The following VGLL4 variants were observed in gnomAD, a reference collection of about 807,000 sequenced individuals.
VGLL4 encodes the protein transcription cofactor vestigial-like protein 4.
In VGLL4, 7 loss-of-function variants were observed where a neutral mutation model predicts 21.0. That is an observed-to-expected ratio of 0.33 (90% CI 0.19 to 0.63). The LOEUF is 0.63. Among genes scored for constraint, VGLL4 ranks in the 20% least tolerant of loss-of-function variants. The probability of loss-of-function intolerance (pLI) is 0.78; values close to 1 mark genes in which losing one functional copy is unlikely to be tolerated. For synonymous variants in VGLL4, 222 were observed against 173.2 expected (o/e 1.28, Z -2.21); for missense variants, 394 against 425.7 (o/e 0.93, Z 0.66).
At chr3:11,650,463 A>G (rs774121260) in intron 2 of VGLL4, among the ~76,000 whole-genome samples, 13 of 152,214 alleles carry the variant, frequency 8.5e-5, no homozygotes, top group Non-Finnish European at 1.8e-4. Flanking sequence ...CCAAATGATC[A>G]AAATCACTCC....
In VGLL4 at chr3:11,719,595, G is replaced by C. The variant is rs989867620; in HGVS notation, c.-14+799C>G. On this transcript the variant is annotated intron_variant, in intron 1 of 5. Coordinates refer to the VGLL4 transcript ENST00000273038. This position sits in a 1 kb window ranked among gnomAD's most constrained non-coding sequence, Gnocchi z 4.0. ...AACACGCACACGCACACGCACGCGCGGACCGGGCCGGCGGACGGGAGCGCG... is the reference window on the plus strand; with the variant it reads ...AACACGCACACGCACACGCACGCGCCGACCGGGCCGGCGGACGGGAGCGCG... The C allele has an allele frequency of 1.3e-5, 2 of 151,992 alleles. No individual in the cohort carries two copies. The highest frequency in any genetic ancestry group is 4.8e-5 in the African/African-American group (2 of 41,394). 9.4% of individuals were successfully genotyped at this position (151,992 alleles called of 1,614,324 possible).
intron 1 of VGLL4, among the ~76,000 whole-genome samples, chr3:11,708,153 C>T (rs1304460610): frequency 1.3e-5 from 2 of 152,164 alleles, no homozygotes; most frequent in Non-Finnish European, 2.9e-5. Flanking sequence ...ATTAATATTA[C>T]CTCCCTCATA....
At chr3:11,672,698 G>A (rs770935073) in intron 2 of VGLL4, among the ~76,000 whole-genome samples, 3 of 152,240 alleles carry the variant, frequency 2.0e-5, no homozygotes, top group East Asian at 1.9e-4. Context: ...ACGGAGAACC[G>A]GTAACTTGCT....
At chr3:11,708,771 T>G (rs2076797068) in intron 1 of VGLL4, among the ~76,000 whole-genome samples, 1 of 151,874 alleles carries the variant, frequency 6.6e-6, no homozygotes, top group Non-Finnish European at 1.5e-5. Context: ...CCAAAAATAA[T>G]CCATTGAGGA....
At chr3:11,584,134 G>A (rs1191403515) in intron 2 of VGLL4, among the ~76,000 whole-genome samples, 1 of 152,166 alleles carries the variant, frequency 6.6e-6, no homozygotes, top group Non-Finnish European at 1.5e-5. Context: ...AAATAATGCT[G>A]AAAAGCAAAT....
chr3:11,600,619 CCT>C (rs1357380894), intron 2 of VGLL4, among the ~76,000 whole-genome samples: 1 of 152,128 alleles, frequency 6.6e-6, no homozygotes, highest in Non-Finnish European at 1.5e-5. Flanking sequence ...AGGATAAATA[CCT>C]CTGTCAGTGT....
intron 2 of VGLL4, among the ~76,000 whole-genome samples, chr3:11,586,047 T>TAAA (rs2125234799): frequency 6.6e-6 from 1 of 152,250 alleles, no homozygotes; most frequent in South Asian, 2.1e-4. Context: ...ACTCCTAGAT[T>TAAA]AAAGATTGCT....
At chr3:11,575,993 A>G (rs2074032782) in intron 2 of VGLL4, among the ~76,000 whole-genome samples, 1 of 152,224 alleles carries the variant, frequency 6.6e-6, no homozygotes, top group African/African-American at 2.4e-5. Context: ...GCTCAACTCT[A>G]TGTAAATAAG....
intron 1 of VGLL4, among the ~76,000 whole-genome samples, chr3:11,623,178 C>T (rs1375668132): frequency 2.0e-5 from 3 of 152,146 alleles, no homozygotes; most frequent in Admixed American, 2.0e-4. Flanking sequence ...AACAGGTCAT[C>T]CACTGGGATC....
intron 1 of VGLL4, among the ~76,000 whole-genome samples, chr3:11,708,686 T>C (rs2076796116): frequency 6.6e-6 from 1 of 152,234 alleles, no homozygotes; most frequent in African/African-American, 2.4e-5. Flanking sequence ...TTATGCTGCA[T>C]CTGAAAAACA....
chr3:11,666,067 A>G (rs9841734), intron 2 of VGLL4, among the ~76,000 whole-genome samples: 2,119 of 152,068 alleles, frequency 0.014, 56 homozygotes, highest in African/African-American at 0.049. Context: ...TGGCTAACAC[A>G]GTGAAACCCC....
intron 4 of VGLL4, among the ~76,000 whole-genome samples, chr3:11,559,121 C>T (rs936647867): frequency 6.6e-6 from 1 of 152,244 alleles, no homozygotes; most frequent in African/African-American, 2.4e-5. Context: ...GCATGAGACC[C>T]TGGAACTGAG....
chr3:11,698,706 C>T (rs182469154), intron 2 of VGLL4, among the ~76,000 whole-genome samples: 14 of 152,274 alleles, frequency 9.2e-5, no homozygotes, highest in Non-Finnish European at 1.0e-4. Flanking sequence ...GTAAATTTAT[C>T]CCTTCCAGGC....
chr3:11,600,983 G>A (rs1559891442), intron 2 of VGLL4, among the ~76,000 whole-genome samples: 1 of 152,168 alleles, frequency 6.6e-6, no homozygotes, highest in Non-Finnish European at 1.5e-5. Flanking sequence ...CACTGTACCC[G>A]TAGACTCTCT....
chr3:11,663,210 A>G (rs969110652), intron 2 of VGLL4, among the ~76,000 whole-genome samples: 2 of 152,214 alleles, frequency 1.3e-5, no homozygotes, highest in African/African-American at 4.8e-5. Flanking sequence ...CCAGACAGAA[A>G]TCAGACCTGA....
At chr3:11,633,969 A>T (rs181894359) in intron 1 of VGLL4, among the ~76,000 whole-genome samples, 65 of 152,258 alleles carry the variant, frequency 4.3e-4, no homozygotes, top group Non-Finnish European at 8.4e-4. Flanking sequence ...TTATTTTAGC[A>T]ATTAACAGGA....
chr3:11,663,671 T>A (rs922663298), intron 2 of VGLL4, among the ~76,000 whole-genome samples: 7 of 152,090 alleles, frequency 4.6e-5, no homozygotes, highest in Non-Finnish European at 1.0e-4. Context: ...TAAGCCGAGA[T>A]CATGCCACTG....
At chr3:11,569,958 G>T (rs1386259216) in intron 2 of VGLL4, among the ~76,000 whole-genome samples, 1 of 152,178 alleles carries the variant, frequency 6.6e-6, no homozygotes, top group Non-Finnish European at 1.5e-5. Context: ...ACTGAAGGGT[G>T]CCCTGAAACC....
At chr3:11,578,812 T>G (rs1390996532) in intron 2 of VGLL4, among the ~76,000 whole-genome samples, 16 of 139,814 alleles carry the variant, frequency 1.1e-4, no homozygotes, top group Admixed American at 9.4e-4. Context: ...TGCAGTGGCG[T>G]GATCTCTGCT....
Sources: gnomAD v4.1 joint callset for allele counts (sites outside exome capture counted in the v4.1 genomes callset) on GRCh38, gnomAD v4.1.1 for gene constraint, Gnocchi (gnomAD v3.1) non-coding constraint, MANE v1.5 for transcripts, NCBI Gene and HGNC (gene_info 2026-07-23, HGNC 2026-07-21) for gene names.